TYR: variants seen among roughly 807,000 people sequenced by gnomAD.
TYR encodes LB24-AB.
In TYR, 58 loss-of-function variants were observed where a neutral mutation model predicts 51.5. That is an observed-to-expected ratio of 1.13 (90% CI 0.91 to 1.40). The LOEUF is 1.40. TYR is among the 40% of genes most tolerant of loss of function. The probability of loss-of-function intolerance (pLI) is 0.00; values close to 1 mark genes in which losing one functional copy is unlikely to be tolerated. For synonymous variants in TYR, 263 were observed against 235.2 expected (o/e 1.12, Z -1.08); for missense variants, 732 against 647.4 (o/e 1.13, Z -1.42).
intron 2 of TYR, among the ~76,000 whole-genome samples, chr11:89,210,064 C>T (rs1364393467): frequency 3.3e-5 from 5 of 152,138 alleles, no homozygotes; most frequent in Non-Finnish European, 5.9e-5. Flanking sequence ...CTCTTCTCCT[C>T]CAAAGGAACA....
intron 2 of TYR, among the ~76,000 whole-genome samples, chr11:89,216,821 C>T (rs945572603): frequency 2.0e-5 from 3 of 152,074 alleles, no homozygotes; most frequent in Non-Finnish European, 2.9e-5. Flanking sequence ...TGTTTTCACC[C>T]TAATCGAAAG....
intron 3 of TYR, among the ~76,000 whole-genome samples, chr11:89,257,406 CA>C (rs1944406516): frequency 6.6e-6 from 1 of 151,902 alleles, no homozygotes; most frequent in African/African-American, 2.4e-5. Flanking sequence ...ACTAATGTCC[CA>C]AAAGCCATTT....
At chr11:89,235,863 T>C (rs929342323) in intron 3 of TYR, among the ~76,000 whole-genome samples, 2 of 152,126 alleles carry the variant, frequency 1.3e-5, no homozygotes, top group Non-Finnish European at 2.9e-5. Context: ...ATGATAAATA[T>C]GTGAGGTGAT....
intron 1 of TYR, among the ~76,000 whole-genome samples, chr11:89,190,706 C>A (rs1197689329): frequency 6.6e-6 from 1 of 151,970 alleles, no homozygotes; most frequent in Non-Finnish European, 1.5e-5. Flanking sequence ...TATATTCACT[C>A]CTTATTCCCT....
intron 4 of TYR, among the ~76,000 whole-genome samples, chr11:89,290,491 T>G (rs1456055195): frequency 6.6e-6 from 1 of 152,082 alleles, no homozygotes. Flanking sequence ...TTTTTGGACA[T>G]TTTAAATGTA....
At chr11:89,261,233 C>T (rs1944453208) in intron 3 of TYR, among the ~76,000 whole-genome samples, 2 of 151,928 alleles carry the variant, frequency 1.3e-5, no homozygotes, top group African/African-American at 4.8e-5. Flanking sequence ...TTTTATCAGC[C>T]ATTACATGAC....
intron 3 of TYR, among the ~76,000 whole-genome samples, chr11:89,265,906 G>GAA (rs201257695): frequency 6.6e-6 from 1 of 151,784 alleles, no homozygotes; most frequent in African/African-American, 2.4e-5. Context: ...AGTAGAAAAG[G>GAA]AAAAAAACTA....
intron 2 of TYR, among the ~76,000 whole-genome samples, chr11:89,204,962 C>G (rs1229166554): frequency 6.6e-6 from 1 of 151,788 alleles, no homozygotes; most frequent in Non-Finnish European, 1.5e-5. Flanking sequence ...TACGTTTGTA[C>G]CAAGTTAATA....
intron 3 of TYR, among the ~76,000 whole-genome samples, chr11:89,239,963 C>A (rs1325777396): frequency 5.3e-5 from 8 of 152,150 alleles, no homozygotes; most frequent in African/African-American, 1.2e-4. Flanking sequence ...ACCATATGAT[C>A]TATCCTTATG....
chr11:89,193,905 A>G (rs1392610789), intron 2 of TYR, among the ~76,000 whole-genome samples: 1 of 152,046 alleles, frequency 6.6e-6, no homozygotes, highest in African/African-American at 2.4e-5. Flanking sequence ...AGCCATTTTA[A>G]GGGTAAATTG....
intron 1 of TYR, among the ~76,000 whole-genome samples, chr11:89,188,707 G>T (rs1591141007): frequency 1.3e-5 from 2 of 152,112 alleles, no homozygotes; most frequent in East Asian, 3.9e-4. Context: ...TTAAATAGAT[G>T]TTTAGTGTAG....
At chr11:89,253,274 T>G (rs115030124) in intron 3 of TYR, among the ~76,000 whole-genome samples, 1,775 of 151,860 alleles carry the variant, frequency 0.012, 34 homozygotes, top group African/African-American at 0.041. Context: ...GTTAACTGCT[T>G]GAAGAGTTGT....
intron 4 of TYR, among the ~76,000 whole-genome samples, chr11:89,286,808 G>T (rs1944792690): frequency 6.6e-6 from 1 of 151,706 alleles, no homozygotes; most frequent in Non-Finnish European, 1.5e-5. Flanking sequence ...TAAGAGGAGG[G>T]GTTTCCTGTA....
At chr11:89,183,507 A>C (rs1476781050) in intron 1 of TYR, among the ~76,000 whole-genome samples, 1 of 152,170 alleles carries the variant, frequency 6.6e-6, no homozygotes, top group East Asian at 1.9e-4. Context: ...AAACAGAATA[A>C]TGTAGTGGAA....
intron 2 of TYR, among the ~76,000 whole-genome samples, chr11:89,211,735 A>G (rs1356673996): frequency 6.6e-6 from 1 of 152,214 alleles, no homozygotes; most frequent in African/African-American, 2.4e-5. Flanking sequence ...GAACAGAATC[A>G]CAACAAACTG....
chr11:89,178,045 T>C lies in TYR; in HGVS notation c.92T>C (p.Met31Thr). 6.2e-7 allele frequency: 1 copy of C among 1,614,186 alleles called. No individual in the cohort carries two copies. Among genetic ancestry groups the C allele is most frequent in the African/African-American group, 1.3e-5 (1 of 75,036 alleles). Residue 31 changes from methionine to threonine, a missense_variant, in exon 1 of 5, where the codon ATG becomes ACG. Met to Thr is a moderately conservative substitution (Grantham distance 81). Coordinates refer to ENST00000263321, the MANE Select transcript of TYR (RefSeq NM_000372.5). The stretch of plus-strand genomic sequence containing the variant: ...GCCTGTGTCTCCTCTAAGAACCTGA[T>C]GGAGAAGGAATGCTGTCCACCGTGG... ...PRACVSSKNL[M>T]EKECCPPWSG...
chr11:89,285,097 C>T, intron 4 of TYR, 143 bp downstream of exon 4: 1 of 737,684 alleles, frequency 1.4e-6, no homozygotes, highest in South Asian at 1.8e-5. Flanking sequence ...AATTTATTAC[C>T]AGTTTATTAT....
intron 3 of TYR, among the ~76,000 whole-genome samples, chr11:89,237,999 C>T (rs1337691235): frequency 4.6e-5 from 7 of 151,784 alleles, no homozygotes; most frequent in Non-Finnish European, 2.9e-5. Context: ...CCATATCTGG[C>T]TAATTTTTGT....
intron 3 of TYR, among the ~76,000 whole-genome samples, chr11:89,243,041 A>C (rs998673246): frequency 2.6e-5 from 4 of 152,222 alleles, no homozygotes; most frequent in African/African-American, 9.6e-5. Flanking sequence ...CTGAATAATA[A>C]GATGCTACAA....
Sources: allele counts gnomAD v4.1 joint callset (sites outside exome capture counted in the v4.1 genomes callset), GRCh38; gene constraint gnomAD v4.1.1; transcripts MANE v1.5; gene names NCBI Gene and HGNC (gene_info 2026-07-23, HGNC 2026-07-21).